Variants in KLHDC3 observed in about 807,000 individuals in gnomAD.
KLHDC3 encodes the protein kelch domain-containing protein 3.
In KLHDC3, 5 loss-of-function variants were observed where a neutral mutation model predicts 44.1. That is an observed-to-expected ratio of 0.11 (90% CI 0.06 to 0.24). KLHDC3 has a LOEUF of 0.24. Ranked by LOEUF, KLHDC3 falls within the 10% of genes least tolerant of loss-of-function variation. The pLI is 1.00. For missense variants in KLHDC3, 247 were observed against 514.3 expected (o/e 0.48, Z 5.03); for synonymous variants, 170 against 189.0 (o/e 0.90, Z 0.82).
chr6:43,017,035 C>G lies in KLHDC3; in HGVS notation c.-59-99C>G. 2 of 830,750 alleles carry G rather than the reference C, an allele frequency of 2.4e-6. No homozygotes were observed. The highest frequency in any genetic ancestry group is 3.3e-5 in the South Asian group (2 of 61,460). The allele number at this position is 830,750 out of a possible 1,614,324, so 51.5% of individuals were successfully genotyped here. On this transcript the variant is annotated intron_variant, in intron 1 of 10. Transcript: ENST00000326974. This position sits in a 1 kb window ranked among gnomAD's most constrained non-coding sequence, Gnocchi z 6.0. The stretch of plus-strand genomic sequence containing the variant: ...TGGAGGGGTAGTGTGGGAGGGCCCC[C>G]AGGGTGACACTTGGAGGCAAAGGCT...
Position 43,017,692 on chromosome 6 carries a change from G to A in KLHDC3, c.328G>A (p.Val110Ile), listed in dbSNP as rs115973150. ...CTGCAATGTGCTCTATGCCTTTGAC[G>A]TCAGTGAGTATGGATCTCAGAGAGG... is the stretch of plus-strand genomic sequence containing the variant. ...GACNVLYAFD[V>I]NTHKWFTPRV... Residue 110 changes from valine (V) to isoleucine (I), a missense_variant, in exon 3 of 11, where the codon GTC becomes ATC. Val to Ile is a conservative substitution (Grantham distance 29, BLOSUM62 3). Around this residue, in one of 2 missense-constraint regions of KLHDC3, gnomAD observed 176 missense variants for 413.5 expected, o/e 0.43. Transcript: ENST00000326974. The surrounding 1 kb of genome is among the most constrained non-coding windows in gnomAD (Gnocchi z 6.0). The A allele has an allele frequency of 1.2e-4, 192 of 1,610,708 alleles. No individual in the cohort carries two copies. The highest frequency in any genetic ancestry group is 1.4e-4 in the Non-Finnish European group (169 of 1,177,952).
chr6:43,019,086 C>A lies in KLHDC3; in HGVS notation c.930-6C>A. 6.2e-7 allele frequency: 1 copy of A among 1,611,482 alleles called. No individual in the cohort carries two copies. Among genetic ancestry groups the A allele is most frequent in the African/African-American group, 1.3e-5 (1 of 74,948 alleles). On this transcript the variant is annotated splice_polypyrimidine_tract_variant and splice_region_variant and intron_variant, in intron 8 of 10. Coordinates refer to ENST00000326974, the MANE Select transcript of KLHDC3 (RefSeq NM_057161.4). ...CCTACTTTCATCTCTCTTTTGATCC[C>A]GACAGTCCATCTCCTGAGGAAGGCC...
intron 1 of KLHDC3, among the ~76,000 whole-genome samples, chr6:43,014,913 G>A (rs1381619600): frequency 6.6e-6 from 1 of 152,184 alleles, no homozygotes; most frequent in African/African-American, 2.4e-5. Context: ...GTTTGAAAAT[G>A]CTTGGTGGTG....
In KLHDC3 at chr6:43,018,655, C is replaced by T. The variant is rs1762630191; in HGVS notation, c.756C>T (p.Tyr252=). The change falls in exon 7 of 11, where the codon TAC becomes TAT. Residue 252 remains tyrosine (Y), a synonymous_variant. Transcript: ENST00000326974. This position sits in a 1 kb window ranked among gnomAD's most constrained non-coding sequence, Gnocchi z 6.0. ...HSAFGYNGEL[Y]IFGGYNARLN... ...CAGTTGGCTACAATGGGGAGCTGTA[C>T]ATCTTTGGTGGTTATAATGCAAGGC... 6.2e-7 allele frequency: 1 copy of T among 1,614,050 alleles called. No individual in the cohort carries two copies.
At position 43,020,775 on chromosome 6, in the gene KLHDC3, CT is replaced by C; in HGVS notation, c.*44del. 1 of 1,466,596 alleles carries C rather than the reference CT, an allele frequency of 6.8e-7. No individual in the cohort carries two copies. The highest frequency in any genetic ancestry group is 9.6e-7 in the Non-Finnish European group (1 of 1,045,432). The allele number at this position is 1,466,596 out of a possible 1,614,324, so 90.8% of individuals were successfully genotyped here. A position where few individuals can be genotyped will look rare whatever the true frequency, so the allele number is the denominator to read the frequency against. ...CCTCCCCTCCTGAGCCTGCTGTCATCTTCACTGCCCCTGCCCATCTGTCACC... is the reference window on the plus strand; with the variant it reads ...CCTCCCCTCCTGAGCCTGCTGTCATCTCACTGCCCCTGCCCATCTGTCACC... On this transcript the variant is annotated 3_prime_UTR_variant, in exon 11 of 11. Transcript: ENST00000326974.
chr6:43,020,380 CAT>C (rs1561860216), intron 10 of KLHDC3, among the ~76,000 whole-genome samples: 1 of 152,140 alleles, frequency 6.6e-6, no homozygotes, highest in Non-Finnish European at 1.5e-5. Flanking sequence ...TGTTGACTGA[CAT>C]GTATACACAG....
intron 1 of KLHDC3, chr6:43,014,726 A>G: frequency 2.5e-6 from 1 of 400,164 alleles, no homozygotes; most frequent in South Asian, 1.8e-5. Context: ...AGTGCATGCT[A>G]ATTTTTCTTT....
At chr6:43,019,509 G>A in intron 10 of KLHDC3, 143 bp downstream of exon 10, 1 of 632,398 alleles carries the variant, frequency 1.6e-6, no homozygotes, top group Non-Finnish European at 2.9e-6. Context: ...AAATGAGATG[G>A]AAGGAGGTGA....
rs377162927 is a variant in KLHDC3 at position 43,020,646 on chromosome 6, C to A, written c.1083-21C>A. On this transcript the variant is annotated intron_variant, in intron 10 of 10. Transcript: ENST00000326974. ...GCTGAGGGCCCCCTCTTCTTTCTGT[C>A]TCTTATTGTTGGCCTTCCAGGTGGG... is the stretch of plus-strand genomic sequence containing the variant. 41 of 1,605,244 alleles carry A rather than the reference C, an allele frequency of 2.6e-5. No homozygotes were observed. The African/African-American group carries it at 4.0e-4, about 16-fold the overall frequency.
Position 43,018,209 on chromosome 6 carries a change from G to C in KLHDC3, c.512G>C (p.Cys171Ser). The part of the protein sequence containing the change: ...DTSTMTWTLI[C>S]TKGSPARWRD... Reference sequence around the variant, plus strand: ...AGCACCATGACATGGACTCTTATCTGTACAAAGGTCTGCTCTTTCTTTTTT... The same window carrying C: ...AGCACCATGACATGGACTCTTATCTCTACAAAGGTCTGCTCTTTCTTTTTT... The change falls in exon 5 of 11, where the codon TGT becomes TCT. Residue 171 changes from cysteine to serine, a missense_variant. This residue lies in a region of KLHDC3 where 176 missense variants were observed against 413.5 expected (regional missense o/e 0.43). Coordinates refer to ENST00000326974, the MANE Select transcript of KLHDC3 (RefSeq NM_057161.4). This position sits in a 1 kb window ranked among gnomAD's most constrained non-coding sequence, Gnocchi z 6.0. 6.2e-7 allele frequency: 1 copy of C among 1,607,998 alleles called. No homozygotes were observed. The highest frequency in any genetic ancestry group is 8.5e-7 in the Non-Finnish European group (1 of 1,174,606).
In KLHDC3 at chr6:43,020,768, C is replaced by A. The variant is rs891068953; in HGVS notation, c.*35C>A. 2 of 1,532,354 alleles carry A rather than the reference C, an allele frequency of 1.3e-6. No individual in the cohort carries two copies. The highest frequency in any genetic ancestry group is 9.0e-7 in the Non-Finnish European group (1 of 1,105,414). 94.9% of individuals were successfully genotyped at this position (1,532,354 alleles called of 1,614,324 possible). On this transcript the variant is annotated 3_prime_UTR_variant, in exon 11 of 11. Coordinates refer to ENST00000326974, the MANE Select transcript of KLHDC3 (RefSeq NM_057161.4). ...TCTGCCACCTCCCCTCCTGAGCCTG[C>A]TGTCATCTTCACTGCCCCTGCCCAT...
Position 43,017,266 on chromosome 6 carries a change from G to A in KLHDC3, c.74G>A (p.Arg25Gln), listed in dbSNP as rs867239280. The A allele has an allele frequency of 3.1e-6, 5 of 1,614,152 alleles. No individual in the cohort carries two copies. In the South Asian group the frequency reaches 3.3e-5, roughly 11 times the overall value. Reference protein sequence around the residue: ...VNHAAVAVGHRVYSFGGYCSG... With the variant: ...VNHAAVAVGHQVYSFGGYCSG... ...CATGCTGCAGTGGCTGTCGGGCATC[G>A]GGTATACTCCTTCGGGGGTTACTGC... Residue 25 changes from arginine (R) to glutamine (Q), a missense_variant, in exon 2 of 11, where the codon CGG becomes CAG. Physicochemically the swap from Arg to Gln is conservative, Grantham distance 43. This residue lies in a region of KLHDC3 where 71 missense variants were observed against 100.8 expected (regional missense o/e 0.70). Coordinates refer to ENST00000326974, the MANE Select transcript of KLHDC3 (RefSeq NM_057161.4). This position sits in a 1 kb window ranked among gnomAD's most constrained non-coding sequence, Gnocchi z 6.0.
At chr6:43,019,790 T>C in intron 10 of KLHDC3, among the ~76,000 whole-genome samples, 1 of 152,318 alleles carries the variant, frequency 6.6e-6, no homozygotes, top group East Asian at 1.9e-4. Context: ...GTATAATTTT[T>C]CAGGTTCAAA....
Position 43,018,381 on chromosome 6 carries a change from A to G in KLHDC3, c.558A>G (p.Thr186=), listed in dbSNP as rs765263209. 2.2e-5 allele frequency: 36 copies of G among 1,613,954 alleles called. No homozygotes were observed. The highest frequency in any genetic ancestry group is 3.0e-5 in the Non-Finnish European group (35 of 1,180,032). ...PARWRDFHSA[T]MLGSHMYVFG... ...GCTGGAGGGACTTCCACTCAGCCACAATGCTGGGAAGTCACATGTATGTCT... is the reference window on the plus strand; with the variant it reads ...GCTGGAGGGACTTCCACTCAGCCACGATGCTGGGAAGTCACATGTATGTCT... Residue 186 remains threonine, a synonymous_variant, in exon 6 of 11, where the codon ACA becomes ACG. Coordinates refer to ENST00000326974, the MANE Select transcript of KLHDC3 (RefSeq NM_057161.4). The surrounding 1 kb of genome is among the most constrained non-coding windows in gnomAD (Gnocchi z 6.0).
At chr6:43,020,640 TTC>T (rs1370926810) in intron 10 of KLHDC3, 25 bp from the exon 11 acceptor site, 3 of 1,596,718 alleles carry the variant, frequency 1.9e-6, no homozygotes, top group Non-Finnish European at 2.6e-6. Flanking sequence ...CCCCTCTTCT[TTC>T]TGTCTCTTAT....
Position 43,017,185 on chromosome 6 carries a change from C to G in KLHDC3, c.-8C>G, listed in dbSNP as rs367875990. On this transcript the variant is annotated 5_prime_UTR_variant, in exon 2 of 11. Coordinates refer to ENST00000326974, the MANE Select transcript of KLHDC3 (RefSeq NM_057161.4). The surrounding 1 kb of genome is among the most constrained non-coding windows in gnomAD (Gnocchi z 6.0). ...GGGGGCATGTTGCTGTAACCAGTGG[C>G]CCAGGGGATGTTACGGTGGACAGTG... 5 of 1,610,686 alleles carry G rather than the reference C, an allele frequency of 3.1e-6. No homozygotes were observed. Among genetic ancestry groups the G allele is most frequent in the Non-Finnish European group, 4.2e-6 (5 of 1,179,118 alleles).
Position 43,017,548 on chromosome 6 carries a change from G to C in KLHDC3, c.184G>C (p.Val62Leu). Residue 62 changes from valine (V) to leucine (L), a missense_variant, in exon 3 of 11, where the codon GTG (valine) becomes CTG (leucine). Transcript: ENST00000326974. The surrounding 1 kb of genome is among the most constrained non-coding windows in gnomAD (Gnocchi z 6.0). ...VSLRWTKLPP[V>L]KSAIRGQAPV... ...CTTGCGTTGGACAAAGCTGCCCCCG[G>C]TGAAGTCTGCCATCCGTGGGCAAGC... 1 of 1,608,894 alleles carries C rather than the reference G, an allele frequency of 6.2e-7. No individual in the cohort carries two copies. The highest frequency in any genetic ancestry group is 8.5e-7 in the Non-Finnish European group (1 of 1,176,852).
rs200646992 is a variant in KLHDC3, at chr6:43,017,316, C to A, written c.124C>A (p.Arg42Ser). The change falls in exon 2 of 11, where the codon CGT (arginine) becomes AGT (serine). Residue 42 changes from arginine (R) to serine (S), a missense_variant. Physicochemically the swap from Arg to Ser is moderately radical, Grantham distance 110. Coordinates refer to ENST00000326974, the MANE Select transcript of KLHDC3 (RefSeq NM_057161.4). This position sits in a 1 kb window ranked among gnomAD's most constrained non-coding sequence, Gnocchi z 6.0. ...CTCTGGTGAAGACTATGAGACACTG[C>A]GTCAGATAGATGTGCACATTTTCAA... ...YCSGEDYETL[R>S]QIDVHIFNAV... is the part of the protein sequence containing the mutation. 27 of 1,613,978 alleles carry A rather than the reference C, an allele frequency of 1.7e-5. No individual in the cohort carries two copies. Among genetic ancestry groups the A allele is most frequent in the Non-Finnish European group, 2.3e-5 (27 of 1,179,900 alleles).
In KLHDC3 at chr6:43,018,056, C is replaced by G. The variant is rs1275696601; in HGVS notation, c.447+88C>G. 8.4e-6 allele frequency: 12 copies of G among 1,432,474 alleles called. No individual in the cohort carries two copies. The highest frequency in any genetic ancestry group is 1.2e-5 in the Non-Finnish European group (12 of 1,014,796). The allele number at this position is 1,432,474 out of a possible 1,614,324, so 88.7% of individuals were successfully genotyped here. ...AGGATGGTGAAATGGGAGGCTTTGG[C>G]TTGTTTGCAGGTTTTGAGGGGAGGG... On this transcript the variant is annotated intron_variant, in intron 4 of 10. Coordinates refer to ENST00000326974, the MANE Select transcript of KLHDC3 (RefSeq NM_057161.4). The surrounding 1 kb of genome is among the most constrained non-coding windows in gnomAD (Gnocchi z 6.0).
Sources: allele counts gnomAD v4.1 joint callset (sites outside exome capture counted in the v4.1 genomes callset), GRCh38; gene constraint gnomAD v4.1.1; regional missense constraint gnomAD v4.1.1; non-coding constraint Gnocchi (gnomAD v3.1); transcripts MANE v1.5; gene names NCBI Gene and HGNC (gene_info 2026-07-23, HGNC 2026-07-21).